The following RABGAP1L variants were observed in gnomAD, a reference collection of about 807,000 sequenced individuals.
RABGAP1L encodes the protein rab GTPase-activating protein 1-like.
RABGAP1L carries 63 observed loss-of-function variants against 137.7 expected under a neutral mutation model. The observed-to-expected ratio is 0.46, with a 90% CI of 0.37 to 0.56. RABGAP1L has a LOEUF of 0.56. RABGAP1L is among the 20% of genes least tolerant of loss of function. RABGAP1L has a pLI of 0.00. For missense variants in RABGAP1L, 1,095 were observed against 1,244.0 expected, an observed-to-expected ratio of 0.88 and a Z score of 1.80; for synonymous variants, 431 against 433.7, an observed-to-expected ratio of 0.99 and a Z score of 0.08.
chr1:174,928,175 G>A lies in RABGAP1L; in HGVS notation c.2341-29282G>A, dbSNP rs530997223. On this transcript the variant is annotated intron_variant, in intron 19 of 25. Transcript: ENST00000681986. ...AGTCATTCCTTGGGGCCTTTATTTA[G>A]CATTCCTCTCTTTGTCTAGCTGTCT... Among the ~76,000 whole-genome samples, 3 of 152,078 alleles carry A rather than the reference G, an allele frequency of 2.0e-5. No individual in the cohort carries two copies. The East Asian group carries it at 5.8e-4, about 29-fold the overall frequency.
intron 13 of RABGAP1L, among the ~76,000 whole-genome samples, chr1:174,571,283 G>T (rs182284517): frequency 8.9e-4 from 135 of 152,210 alleles, no homozygotes; most frequent in African/African-American, 3.0e-3. Flanking sequence ...GGGTAGTTTT[G>T]GGAGGCAGGG....
At chr1:174,559,349 T>C (rs1251756503) in intron 13 of RABGAP1L, among the ~76,000 whole-genome samples, 2 of 152,144 alleles carry the variant, frequency 1.3e-5, no homozygotes, top group African/African-American at 4.8e-5. Context: ...TACAGAACAT[T>C]TACTTTATCA....
chr1:174,385,263 T>C (rs1686663034), intron 12 of RABGAP1L, among the ~76,000 whole-genome samples: 1 of 152,226 alleles, frequency 6.6e-6, no homozygotes, highest in Non-Finnish European at 1.5e-5. Context: ...CTTTTCTGTG[T>C]GGCCTGAGAA....
At chr1:174,719,373 A>G (rs373574939) in intron 17 of RABGAP1L, among the ~76,000 whole-genome samples, 23 of 152,334 alleles carry the variant, frequency 1.5e-4, no homozygotes, top group African/African-American at 4.1e-4. Context: ...CTTCAAATCT[A>G]TAATAGACTC....
chr1:174,538,239 C>T (rs906014451), intron 13 of RABGAP1L, among the ~76,000 whole-genome samples: 1 of 152,164 alleles, frequency 6.6e-6, no homozygotes, highest in Non-Finnish European at 1.5e-5. Flanking sequence ...ATGCCTAGTC[C>T]CTCTTAGGCT....
At chr1:174,978,945 A>ATT (rs371036834) in intron 23 of RABGAP1L, 55 bp downstream of exon 23, 335 of 1,163,418 alleles carry the variant, frequency 2.9e-4, no homozygotes, top group South Asian at 1.1e-3. Flanking sequence ...TATAAAAGTA[A>ATT]TTTTTTTTTT....
chr1:174,701,488 T>C (rs988978646), intron 16 of RABGAP1L, among the ~76,000 whole-genome samples: 1 of 152,152 alleles, frequency 6.6e-6, no homozygotes, highest in Non-Finnish European at 1.5e-5. Context: ...ACACCTGTAA[T>C]CCCAGCACTT....
At chr1:174,756,927 C>T (rs1157382171) in intron 18 of RABGAP1L, 2 of 782,992 alleles carry the variant, frequency 2.6e-6, no homozygotes, top group Admixed American at 1.9e-5. Context: ...CCACCAGTGT[C>T]CCTCAGCCAT....
chr1:174,221,122 A>G lies in RABGAP1L; in HGVS notation c.289A>G (p.Asn97Asp). The change falls in exon 3 of 26, where the codon AAT (asparagine) becomes GAT (aspartate). Residue 97 changes from asparagine (N) to aspartate (D), a missense_variant. Coordinates refer to ENST00000681986, the MANE Select transcript of RABGAP1L (RefSeq NM_001366446.1). Reference protein sequence around the residue: ...SFGDIPASQTNKPSLQLILDP... With the variant: ...SFGDIPASQTDKPSLQLILDP... ...TGGAGATATTCCAGCCAGCCAAACA[A>G]ATAAGCCATCTCTTCAGTTAATTTT... 1 of 1,613,190 alleles carries G rather than the reference A, an allele frequency of 6.2e-7. No individual in the cohort carries two copies.
At chr1:174,351,787 GTTTT>G (rs199734880) in intron 11 of RABGAP1L, among the ~76,000 whole-genome samples, 20 of 149,898 alleles carry the variant, frequency 1.3e-4, no homozygotes, top group African/African-American at 3.7e-4. Context: ...TTCTCTGTGT[GTTTT>G]TTTTGTTTTG....
chr1:174,642,271 A>G (rs186825818), intron 14 of RABGAP1L, among the ~76,000 whole-genome samples: 2 of 152,252 alleles, frequency 1.3e-5, no homozygotes, highest in East Asian at 1.9e-4. Flanking sequence ...ATAATGGTTT[A>G]TAGGAGGACA....
intron 13 of RABGAP1L, among the ~76,000 whole-genome samples, chr1:174,576,626 C>A (rs1261780286): frequency 6.6e-6 from 1 of 152,284 alleles, no homozygotes; most frequent in African/African-American, 2.4e-5. Flanking sequence ...GGTCTCCCTA[C>A]ATATATTTAT....
chr1:174,615,631 CTG>C (rs1350319466), intron 13 of RABGAP1L, among the ~76,000 whole-genome samples: 19 of 152,210 alleles, frequency 1.2e-4, no homozygotes, highest in African/African-American at 4.6e-4. Flanking sequence ...ACATTTAAGT[CTG>C]TGGAGGTTAC....
intron 14 of RABGAP1L, among the ~76,000 whole-genome samples, chr1:174,638,842 C>G (rs527391547): frequency 1.8e-4 from 26 of 141,336 alleles, no homozygotes; most frequent in Middle Eastern, 3.6e-3. Flanking sequence ...ACAATGAGAT[C>G]ACATGGACAC....
At chr1:174,388,116 C>T (rs918476363) in intron 12 of RABGAP1L, among the ~76,000 whole-genome samples, 3 of 151,930 alleles carry the variant, frequency 2.0e-5, no homozygotes, top group Admixed American at 1.3e-4. Flanking sequence ...AGGTAAAGCA[C>T]CTGTCATGTG....
At chr1:174,566,212 A>G (rs762336294) in intron 13 of RABGAP1L, among the ~76,000 whole-genome samples, 5 of 152,016 alleles carry the variant, frequency 3.3e-5, no homozygotes, top group Non-Finnish European at 7.4e-5. Flanking sequence ...AGAAATTCCA[A>G]TTTGCTGTTT....
At chr1:174,189,496 C>T (rs1015225926) in intron 1 of RABGAP1L, among the ~76,000 whole-genome samples, 7 of 152,202 alleles carry the variant, frequency 4.6e-5, no homozygotes, top group African/African-American at 7.2e-5. Flanking sequence ...CCTCGCTTAT[C>T]GTTTGAATAT....
At chr1:174,777,449 C>T (rs754988696) in intron 18 of RABGAP1L, among the ~76,000 whole-genome samples, 5 of 152,204 alleles carry the variant, frequency 3.3e-5, no homozygotes, top group African/African-American at 4.8e-5. Context: ...TTGAGACAAA[C>T]AACATCTGCA....
intron 19 of RABGAP1L, among the ~76,000 whole-genome samples, chr1:174,871,619 A>G (rs1322825895): frequency 6.6e-6 from 1 of 152,212 alleles, no homozygotes; most frequent in Non-Finnish European, 1.5e-5. Flanking sequence ...AAAACTTGAG[A>G]GAAATGGGCA....
Sources: allele counts gnomAD v4.1 joint callset (sites outside exome capture counted in the v4.1 genomes callset), GRCh38; gene constraint gnomAD v4.1.1; transcripts MANE v1.5; gene names NCBI Gene and HGNC (gene_info 2026-07-23, HGNC 2026-07-21).